ANAPC5: variants seen among roughly 807,000 people sequenced by gnomAD.
ANAPC5 encodes anaphase promoting complex subunit 5.
In ANAPC5, 60 loss-of-function variants were observed where a neutral mutation model predicts 91.3. The ratio of observed to expected loss-of-function variants is 0.66; its 90% CI spans 0.53 to 0.81. ANAPC5 has a LOEUF of 0.81. ANAPC5 is among the 40% of genes least tolerant of loss of function. ANAPC5 has a pLI of 0.00. For missense variants in ANAPC5, 690 were observed against 931.5 expected (o/e 0.74, Z 3.37); for synonymous variants, 340 against 364.1 (o/e 0.93, Z 0.75).
At chr12:121,341,260 G>A (rs981234353) in intron 5 of ANAPC5, among the ~76,000 whole-genome samples, 8 of 152,246 alleles carry the variant, frequency 5.3e-5, no homozygotes, top group South Asian at 2.1e-4. Flanking sequence ...ACCTTAGATC[G>A]AGAGTTCAAG....
intron 1 of ANAPC5, 122 bp from the exon 2 acceptor site, chr12:121,348,003 G>A (rs1903738017): frequency 3.0e-6 from 2 of 676,382 alleles, no homozygotes; most frequent in Non-Finnish European, 2.5e-6. Flanking sequence ...ATGCAAATAA[G>A]GATTTTTCTA....
chr12:121,318,598 C>A lies in ANAPC5; in HGVS notation c.1648G>T (p.Val550Leu). The change falls in exon 14 of 17, where the codon GTA (valine) becomes TTA (leucine). Residue 550 changes from valine (V) to leucine (L), a missense_variant. By Grantham distance (32) the Val-to-Leu change is conservative (BLOSUM62 1). Transcript: ENST00000261819. ...GACATTTGGTTCTGAGCTTGTAATACAACCGCTTTCCTGAAACAGAATCAA... is the reference window on the plus strand; with the variant it reads ...GACATTTGGTTCTGAGCTTGTAATAAAACCGCTTTCCTGAAACAGAATCAA... ...SIEGVYRKAV[V>L]LQAQNQMSEA... 6.2e-7 allele frequency: 1 copy of A among 1,613,804 alleles called. No individual in the cohort carries two copies. The highest frequency in any genetic ancestry group is 8.5e-7 in the Non-Finnish European group (1 of 1,179,776).
rs1205669036 is a variant in ANAPC5 at position 121,324,126 on chromosome 12, T to G, written c.1440+2970A>C. Among the ~76,000 whole-genome samples the G allele has an allele frequency of 3.3e-5, 5 of 152,184 alleles. No homozygotes were observed. In the East Asian group the frequency reaches 9.7e-4, roughly 29 times the overall value. ...AACAACGTGCACCATCCAATTTACTTGAAGGAAAGTTTCAGAAGCAGATAC... is the reference window on the plus strand; with the variant it reads ...AACAACGTGCACCATCCAATTTACTGGAAGGAAAGTTTCAGAAGCAGATAC... On this transcript the variant is annotated intron_variant, in intron 11 of 16. Transcript: ENST00000261819.
At chr12:121,353,176 TCA>T (rs1357957227), upstream of ANAPC5, among the ~76,000 whole-genome samples, 11 of 152,286 alleles carry the variant, frequency 7.2e-5, no homozygotes, top group African/African-American at 2.2e-4. Flanking sequence ...ATGTGCTGAG[TCA>T]GTTTCCTACC....
rs563547480 is a variant in ANAPC5, at chr12:121,319,217, A to AT, written c.1637+479dup. On this transcript the variant is annotated intron_variant, in intron 13 of 16. Transcript: ENST00000261819. ...TCTCTGGGAGATACTTATTTTCTTC[A>AT]TTTTGCTTATCTGTATTTTCTTTTT... Among the ~76,000 whole-genome samples, 11 of 147,824 alleles carry AT rather than the reference A, an allele frequency of 7.4e-5. No homozygotes were observed. The South Asian group carries it at 2.1e-3, about 29-fold the overall frequency.
In ANAPC5 at chr12:121,319,585, A is replaced by G. The variant is rs903560187; in HGVS notation, c.1637+112T>C. 1.1e-4 allele frequency: 127 copies of G among 1,177,486 alleles called. No homozygotes were observed. In the African/African-American group the frequency reaches 1.8e-3, roughly 16 times the overall value. 72.9% of individuals were successfully genotyped at this position (1,177,486 alleles called of 1,614,324 possible). The stretch of plus-strand genomic sequence containing the variant: ...GCTTACCTGTATTTTCTTATTTATT[A>G]AGAAAATAAAGTTTTTTTCTAAGCT... On this transcript the variant is annotated intron_variant, in intron 13 of 16. Coordinates refer to ENST00000261819, the MANE Select transcript of ANAPC5 (RefSeq NM_016237.5).
intron 16 of ANAPC5, among the ~76,000 whole-genome samples, chr12:121,309,387 G>A (rs559090119): frequency 1.1e-3 from 160 of 151,646 alleles, no homozygotes; most frequent in African/African-American, 3.1e-3. Flanking sequence ...GCAGTGAGCC[G>A]AGATCACGCC....
At position 121,346,984 on chromosome 12, in the gene ANAPC5, G is replaced by T; in HGVS notation, c.309C>A (p.Gly103=). ...VQIRIKLMAE[G]ELKDMEQFFD... ...AAAACTGTTCCATATCCTTCAACTC[G>T]CCTTCAGCCATCAGTTTGATTCTGA... The change falls in exon 3 of 17, where the codon GGC becomes GGA. Residue 103 remains glycine (G), a synonymous_variant. Coordinates refer to ENST00000261819, the MANE Select transcript of ANAPC5 (RefSeq NM_016237.5). 6.2e-7 allele frequency: 1 copy of T among 1,608,924 alleles called. No individual in the cohort carries two copies. The highest frequency in any genetic ancestry group is 8.5e-7 in the Non-Finnish European group (1 of 1,178,384).
At chr12:121,332,470 C>T (rs1311192618) in intron 7 of ANAPC5, 3 of 152,186 alleles carry the variant, frequency 2.0e-5, no homozygotes, top group African/African-American at 4.8e-5. Context: ...AAGAGCACTT[C>T]ACCTTCACTT....
intron 5 of ANAPC5, 77 bp downstream of exon 5, chr12:121,341,926 C>A: frequency 8.4e-7 from 1 of 1,188,818 alleles, no homozygotes; most frequent in Non-Finnish European, 1.2e-6. Context: ...CGGGCCTATG[C>A]CACAACACAC....
chr12:121,318,621 C>A lies in ANAPC5; in HGVS notation c.1638-13G>T. 6.2e-7 allele frequency: 1 copy of A among 1,601,258 alleles called. No individual in the cohort carries two copies. The highest frequency in any genetic ancestry group is 1.1e-5 in the South Asian group (1 of 90,684). On this transcript the variant is annotated splice_polypyrimidine_tract_variant and intron_variant, in intron 13 of 16. Coordinates refer to ENST00000261819, the MANE Select transcript of ANAPC5 (RefSeq NM_016237.5). ...TACAACCGCTTTCCTGAAACAGAATCAAAATGAACACAAGTGTTTTAACTA... is the reference window on the plus strand; with the variant it reads ...TACAACCGCTTTCCTGAAACAGAATAAAAATGAACACAAGTGTTTTAACTA...
chr12:121,341,724 G>C (rs1004853950), intron 5 of ANAPC5, among the ~76,000 whole-genome samples: 3 of 152,036 alleles, frequency 2.0e-5, no homozygotes, highest in Non-Finnish European at 4.4e-5. Context: ...TTGAGAGAAG[G>C]GTTAAATCAC....
intron 1 of ANAPC5, among the ~76,000 whole-genome samples, chr12:121,350,551 G>C (rs186681440): frequency 1.3e-5 from 2 of 152,108 alleles, no homozygotes; most frequent in Non-Finnish European, 2.9e-5. Context: ...CGTGGTGGCG[G>C]GAGCCTATAG....
intron 11 of ANAPC5, chr12:121,326,281 A>G (rs1754316802): frequency 6.6e-6 from 1 of 152,264 alleles, no homozygotes; most frequent in African/African-American, 2.4e-5. Context: ...TTATGATGCA[A>G]TCTAACAGTA....
upstream of ANAPC5, among the ~76,000 whole-genome samples, chr12:121,354,199 G>A (rs1392793132): frequency 1.3e-5 from 2 of 151,896 alleles, no homozygotes; most frequent in East Asian, 1.9e-4. Flanking sequence ...ATGTTGGCCC[G>A]GCTGGTCTTG....
intron 11 of ANAPC5, chr12:121,320,984 T>TA (rs1902580204): frequency 6.6e-6 from 1 of 151,940 alleles, no homozygotes; most frequent in African/African-American, 2.4e-5. Flanking sequence ...GCATGGTGGC[T>TA]AACGCCTGTA....
intron 7 of ANAPC5, chr12:121,333,409 T>C (rs1903115650): frequency 6.6e-6 from 1 of 152,226 alleles, no homozygotes; most frequent in African/African-American, 2.4e-5. Flanking sequence ...AGCAGTTCCT[T>C]ACTAAGTTAA....
At chr12:121,331,066 G>C (rs183792379) in intron 8 of ANAPC5, 2 of 409,044 alleles carry the variant, frequency 4.9e-6, no homozygotes, top group African/African-American at 4.0e-5. Flanking sequence ...TACATCTTTT[G>C]TTAATGCCAG....
chr12:121,329,399 G>A (rs1441942815), intron 9 of ANAPC5, among the ~76,000 whole-genome samples: 5 of 151,862 alleles, frequency 3.3e-5, no homozygotes, highest in Non-Finnish European at 5.9e-5. Context: ...CGATCCACCC[G>A]CCTTGGCCTC....
Sources: allele counts gnomAD v4.1 joint callset (sites outside exome capture counted in the v4.1 genomes callset), GRCh38; gene constraint gnomAD v4.1.1; transcripts MANE v1.5; gene names NCBI Gene and HGNC (gene_info 2026-07-23, HGNC 2026-07-21).